The following NTF4 variants were observed in gnomAD, a reference collection of about 807,000 sequenced individuals.
The protein encoded by NTF4 is neurotrophin-4.
In NTF4, 2 loss-of-function variants were observed where a neutral mutation model predicts 4.4. The ratio of observed to expected loss-of-function variants is 0.46; its 90% CI spans 0.19 to 1.44. NTF4 has a LOEUF of 1.44. Among genes scored for constraint, NTF4 ranks in the 40% most tolerant of loss-of-function variants. NTF4 has a pLI of 0.26. For synonymous variants in NTF4, 127 were observed against 122.0 expected (o/e 1.04, Z -0.27); for missense variants, 260 against 293.0 (o/e 0.89, Z 0.82).
downstream of NTF4, chr19:49,058,576 C>T (rs144614738): frequency 6.2e-4 from 302 of 483,222 alleles, 2 homozygotes; most frequent in African/African-American, 5.7e-3. Context: ...TCTGGGTCCC[C>T]AGGCCCCGCA....
At chr19:49,060,393 A>C (rs1026567266), downstream of NTF4, among the ~76,000 whole-genome samples, 1 of 152,062 alleles carries the variant, frequency 6.6e-6, no homozygotes, top group African/African-American at 2.4e-5. Flanking sequence ...GTGCAATGGT[A>C]CAGTCTTGGC....
chr19:49,063,787 G>A (rs1453118790), upstream of NTF4: 1 of 152,214 alleles, frequency 6.6e-6, no homozygotes, highest in African/African-American at 2.4e-5. Flanking sequence ...GAGTCCCCAG[G>A]CTTCGGGGGG....
Position 49,061,515 on chromosome 19 carries a change from C to T in NTF4, c.483G>A (p.Val161=), listed in dbSNP as rs975549134. 6 of 1,614,060 alleles carry T rather than the reference C, an allele frequency of 3.7e-6. No homozygotes were observed. The African/African-American group carries it at 8.0e-5, about 22-fold the overall frequency. ...ACTCAGATACCCAGTGCCTCCTGTC[C>T]ACTCCCCGGCAGCCCCCTCCACCTG... The change falls in exon 1 of 1, where the codon GTG becomes GTA. Residue 161 remains valine, a synonymous_variant. Transcript: ENST00000593537. The surrounding 1 kb of genome is among the most constrained non-coding windows in gnomAD (Gnocchi z 4.9).
downstream of NTF4, chr19:49,058,452 A>G: frequency 1.6e-6 from 1 of 635,710 alleles, no homozygotes. Flanking sequence ...TTTCCTCTGC[A>G]GTCCCTGGCA....
At chr19:49,063,316 ATTTTTTT>A (rs1205338872), upstream of NTF4, among the ~76,000 whole-genome samples, 1 of 132,854 alleles carries the variant, frequency 7.5e-6, no homozygotes, top group Admixed American at 7.8e-5. Flanking sequence ...CCCAAACAAA[ATTTTTTT>A]TTTTTTTTTT....
At chr19:49,059,881 C>G (rs1600245331), downstream of NTF4, among the ~76,000 whole-genome samples, 2 of 151,704 alleles carry the variant, frequency 1.3e-5, no homozygotes, top group East Asian at 3.9e-4. Flanking sequence ...AACCCTGTCT[C>G]TACCAAAAAA....
upstream of NTF4, chr19:49,064,909 C>T (rs910245578): frequency 2.0e-5 from 3 of 152,278 alleles, no homozygotes; most frequent in Non-Finnish European, 4.4e-5. Flanking sequence ...GCAGGGCGAC[C>T]AGGACGCCGG....
At chr19:49,062,651 G>C (rs1028233984), upstream of NTF4, among the ~76,000 whole-genome samples, 2 of 150,820 alleles carry the variant, frequency 1.3e-5, no homozygotes, top group East Asian at 4.0e-4. Context: ...GGGTGTGGTG[G>C]CGCATGTCTG....
Position 49,061,940 on chromosome 19 carries a change from C to T in NTF4, c.58G>A (p.Val20Met). 5 of 1,515,278 alleles carry T rather than the reference C, an allele frequency of 3.3e-6. No homozygotes were observed. In the Admixed American group the frequency reaches 1.0e-4, roughly 31 times the overall value. The allele number at this position is 1,515,278 out of a possible 1,614,324, so 93.9% of individuals were successfully genotyped here. The stretch of plus-strand genomic sequence containing the variant: ...GGTGGGGGTTGGGACTCAATTGGCA[C>T]ACTGGGGAGGAGGAAAAGGAGGAGG... Residue 20 changes from valine (V) to methionine (M), a missense_variant, in exon 1 of 1, where the codon GTG (valine) becomes ATG (methionine). Transcript: ENST00000593537. This position sits in a 1 kb window ranked among gnomAD's most constrained non-coding sequence, Gnocchi z 4.9.
downstream of NTF4, chr19:49,058,318 G>C: frequency 1.3e-6 from 2 of 1,495,034 alleles, no homozygotes; most frequent in Non-Finnish European, 1.8e-6. Context: ...CTGCTTTGCA[G>C]TCGGAGGTAG....
chr19:49,058,662 C>T (rs903437429), downstream of NTF4: 2 of 301,184 alleles, frequency 6.6e-6, no homozygotes, highest in African/African-American at 2.2e-5. Flanking sequence ...CCATGGGTAA[C>T]GTAGCTGCTG....
rs753431367 is a variant in NTF4 at position 49,061,745 on chromosome 19, T to C, written c.253A>G (p.Thr85Ala). 37 of 1,608,904 alleles carry C rather than the reference T, an allele frequency of 2.3e-5. No individual in the cohort carries two copies. The highest frequency in any genetic ancestry group is 5.0e-5 in the Admixed American group (3 of 59,424). Residue 85 changes from threonine to alanine, a missense_variant, in exon 1 of 1, where the codon ACT (threonine) becomes GCT (alanine). Physicochemically the swap from Thr to Ala is moderately conservative, Grantham distance 58. Coordinates refer to ENST00000593537, the Ensembl canonical transcript of NTF4. The surrounding 1 kb of genome is among the most constrained non-coding windows in gnomAD (Gnocchi z 4.9). ...TCACCCCGACGACTCGCTGGTGCAG[T>C]TTCGCTCACCCCACGCCGGCTGCGG...
chr19:49,060,164 C>A (rs944155782), downstream of NTF4, among the ~76,000 whole-genome samples: 4 of 150,464 alleles, frequency 2.7e-5, no homozygotes, highest in Non-Finnish European at 5.9e-5. Flanking sequence ...TTTCTGCAGC[C>A]ATGCCCAGGA....
chr19:49,063,075 T>A (rs1283875106), upstream of NTF4, among the ~76,000 whole-genome samples: 1 of 152,068 alleles, frequency 6.6e-6, no homozygotes, highest in Non-Finnish European at 1.5e-5. Context: ...GGCACAATCC[T>A]GGCTCACTGC....
In NTF4 at chr19:49,061,128, T is replaced by C. The variant is rs980798492; in HGVS notation, c.*237A>G. ...TAAGAAACAGTAAACACTCAGTAAA[T>C]AGTGGCTATTATTATTATATCATCA... On this transcript the variant is annotated 3_prime_UTR_variant, in exon 1 of 1. Transcript: ENST00000593537. The surrounding 1 kb of genome is among the most constrained non-coding windows in gnomAD (Gnocchi z 4.9). The C allele has an allele frequency of 7.6e-6, 5 of 657,648 alleles. No homozygotes were observed. In the African/African-American group the frequency reaches 9.1e-5, roughly 12 times the overall value. 40.7% of individuals were successfully genotyped at this position (657,648 alleles called of 1,614,324 possible). A position where few individuals can be genotyped will look rare whatever the true frequency, so the allele number is the denominator to read the frequency against.
In NTF4 at chr19:49,061,774, G is replaced by A. The variant is rs774261204; in HGVS notation, c.224C>T (p.Ala75Val). Residue 75 changes from alanine to valine, a missense_variant, in exon 1 of 1, where the codon GCC becomes GTC. Physicochemically the swap from Ala to Val is moderately conservative, Grantham distance 64. Transcript: ENST00000593537. The surrounding 1 kb of genome is among the most constrained non-coding windows in gnomAD (Gnocchi z 4.9). ...GCTCACCCCACGCCGGCTGCGGTTG[G>A]CCGGGGCACCTGCTGACTCCCGAAA... 6.4e-7 allele frequency: 1 copy of A among 1,571,178 alleles called. No individual in the cohort carries two copies. The highest frequency in any genetic ancestry group is 1.2e-5 in the South Asian group (1 of 86,710).
At chr19:49,064,411 C>A, upstream of NTF4, 1 of 157,612 alleles carries the variant, frequency 6.3e-6, no homozygotes, top group South Asian at 1.7e-4. Context: ...CCTTCAGACC[C>A]AGGAGTTCAG....
At chr19:49,058,400 C>A, downstream of NTF4, 3 of 841,178 alleles carry the variant, frequency 3.6e-6, no homozygotes, top group Admixed American at 3.0e-5. Context: ...CCCTATCACC[C>A]CCCACCCCAA....
At chr19:49,064,195 G>A, upstream of NTF4, 1 of 152,740 alleles carries the variant, frequency 6.5e-6, no homozygotes, top group Non-Finnish European at 1.5e-5. Context: ...AAGAAGCCCT[G>A]GTTCCCCAAG....
Sources: gnomAD v4.1 joint callset for allele counts (sites outside exome capture counted in the v4.1 genomes callset) on GRCh38, gnomAD v4.1.1 for gene constraint, Gnocchi (gnomAD v3.1) non-coding constraint, MANE v1.5 for transcripts, NCBI Gene and HGNC (gene_info 2026-07-23, HGNC 2026-07-21) for gene names.